ATG9B: variants seen among roughly 807,000 people sequenced by gnomAD.
ATG9B encodes autophagy-related protein 9B.
Under a neutral mutation model 92.9 loss-of-function variants are expected in ATG9B, and 92 were observed. The ratio of observed to expected loss-of-function variants is 0.99; its 90% CI spans 0.84 to 1.18. ATG9B has a LOEUF of 1.18. Ranked by LOEUF, ATG9B falls within the 50% of genes most tolerant of loss-of-function variation. ATG9B has a pLI of 0.00. For synonymous variants in ATG9B, 599 were observed against 551.4 expected (o/e 1.09, Z -1.21); for missense variants, 1,344 against 1,235.0 (o/e 1.09, Z -1.32).
At chr7:151,013,925 A>AGGG (rs745851068), downstream of ATG9B, 7 of 1,598,780 alleles carry the variant, frequency 4.4e-6, no homozygotes, top group Non-Finnish European at 6.0e-6. Context: ...GCGGGTGCGG[A>AGGG]GGGGCGGGCC....
chr7:151,012,331 T>TG, downstream of ATG9B: 1 of 1,545,088 alleles, frequency 6.5e-7, no homozygotes, highest in East Asian at 2.4e-5. Flanking sequence ...GGGGACCTGA[T>TG]GGAGTGTCTC....
rs545593603 is a variant in ATG9B, at chr7:151,016,110, G to C, written c.2646C>G (p.Asp882Glu). The change falls in exon 12 of 14, where the codon GAC becomes GAG. Residue 882 changes from aspartate to glutamate, a missense_variant and splice_region_variant. Transcript: ENST00000639579. ...CCCTGCAGGCCCCACCCTCCTCACC[G>C]TCACTTGACCAGGATGGCTTCTCCT... ...PDEEKPSWSS[D>E]GSSPASSPRQ... 3.3e-6 allele frequency: 5 copies of C among 1,537,290 alleles called. No homozygotes were observed. In the Admixed American group the frequency reaches 8.0e-5, roughly 25 times the overall value.
Position 151,024,377 on chromosome 7 carries a change from C to T in ATG9B, c.47G>A (p.Arg16Gln), listed in dbSNP as rs750100691. ...CGATCCGGGCCCCAGATCTCCCCAC[C>T]GCCCCAGCCGCCTTCTTCTCCCCCC... ...GWGGRRRRLG[R>Q]WGDLGPGSVP... The change falls in exon 1 of 14, where the codon CGG becomes CAG. Residue 16 changes from arginine to glutamine, a missense_variant. Physicochemically the swap from Arg to Gln is conservative, Grantham distance 43 (BLOSUM62 1). Coordinates refer to ENST00000639579, the MANE Select transcript of ATG9B (RefSeq NM_001317056.2). 25 of 1,375,138 alleles carry T rather than the reference C, an allele frequency of 1.8e-5. No homozygotes were observed. The highest frequency in any genetic ancestry group is 2.1e-4 in the Middle Eastern group (1 of 4,714). 85.2% of individuals were successfully genotyped at this position (1,375,138 alleles called of 1,614,324 possible).
At position 151,019,119 on chromosome 7, in the gene ATG9B, C is replaced by G. The variant is rs938658983; in HGVS notation, c.1219G>C (p.Gly407Arg). Residue 407 changes from glycine (G) to arginine (R), a missense_variant, in exon 6 of 14, where the codon GGT (glycine) becomes CGT (arginine). Coordinates refer to ENST00000639579, the MANE Select transcript of ATG9B (RefSeq NM_001317056.2). ...ALNVDLLLFR[G>R]PFSLFRGGWE... ...CCCCCGCGGAAGAGCGAGAAGGGACCGCGGAAGAGCAGCAGGTCGACATTG... is the reference window on the plus strand; with the variant it reads ...CCCCCGCGGAAGAGCGAGAAGGGACGGCGGAAGAGCAGCAGGTCGACATTG... 6.5e-7 allele frequency: 1 copy of G among 1,535,898 alleles called. No individual in the cohort carries two copies. The highest frequency in any genetic ancestry group is 8.7e-7 in the Non-Finnish European group (1 of 1,146,634).
downstream of ATG9B, chr7:151,012,557 AAG>A (rs1795329300): frequency 2.7e-6 from 4 of 1,477,094 alleles, no homozygotes; most frequent in East Asian, 2.3e-5. Flanking sequence ...GGAAATAGGA[AAG>A]AGAGGGCAGG....
At chr7:151,012,763 G>A (rs191612985), downstream of ATG9B, 1 of 368,760 alleles carries the variant, frequency 2.7e-6, no homozygotes, top group Admixed American at 4.0e-5. Context: ...TGCCCAAGGT[G>A]GATTCTTGAC....
At position 151,019,292 on chromosome 7, in the gene ATG9B, G is replaced by C; in HGVS notation, c.1046C>G (p.Pro349Arg). 1 of 1,589,798 alleles carries C rather than the reference G, an allele frequency of 6.3e-7. No individual in the cohort carries two copies. The highest frequency in any genetic ancestry group is 8.5e-7 in the Non-Finnish European group (1 of 1,175,360). The change falls in exon 6 of 14, where the codon CCG becomes CGG. Residue 349 changes from proline (P) to arginine (R), a missense_variant. Pro to Arg is a moderately radical substitution (Grantham distance 103). Coordinates refer to ENST00000639579, the MANE Select transcript of ATG9B (RefSeq NM_001317056.2). ...LQRSGGLCVQ[P>R]RPLTELDIHH... is the part of the protein sequence containing the mutation. ...GATGTCCAGCTCCGTCAGGGGCCGC[G>C]GCTGCACGCACAGGCCCCCGCTCCG...
chr7:151,013,223 G>A (rs1397811258), downstream of ATG9B: 5 of 1,610,126 alleles, frequency 3.1e-6, no homozygotes, highest in Non-Finnish European at 3.4e-6. Context: ...GCGCGGGGTT[G>A]CTTGCAGGGC....
downstream of ATG9B, chr7:151,014,993 A>G (rs1197925782): frequency 6.6e-6 from 1 of 152,192 alleles, no homozygotes; most frequent in East Asian, 1.9e-4. Context: ...TTCTTTTGAC[A>G]GAGTCCTACA....
Position 151,016,661 on chromosome 7 carries a change from C to T in ATG9B, c.2423+27G>A, listed in dbSNP as rs1795502393. 3 of 1,555,084 alleles carry T rather than the reference C, an allele frequency of 1.9e-6. No individual in the cohort carries two copies. The East Asian group carries it at 7.3e-5, about 38-fold the overall frequency. The stretch of plus-strand genomic sequence containing the variant: ...GATCAGCCCACCCCCCTCCACATGC[C>T]CCTGCATCTCAGCCTCCACTCCTCA... On this transcript the variant is annotated intron_variant, in intron 10 of 13. Transcript: ENST00000639579.
At chr7:151,012,626 C>T (rs1795331120), downstream of ATG9B, 1 of 883,550 alleles carries the variant, frequency 1.1e-6, no homozygotes, top group Non-Finnish European at 1.7e-6. Flanking sequence ...GGGCAGGTAC[C>T]AAAGGCAAGG....
intron 8 of ATG9B, among the ~76,000 whole-genome samples, 199 bp from the exon 9 acceptor site, chr7:151,017,471 G>A (rs1037180696): frequency 2.6e-5 from 4 of 152,176 alleles, no homozygotes; most frequent in African/African-American, 7.2e-5. Flanking sequence ...TTGCCAGCTC[G>A]GGGATAGGGC....
chr7:151,021,700 A>C (rs1292744202), intron 4 of ATG9B, among the ~76,000 whole-genome samples: 2 of 145,516 alleles, frequency 1.4e-5, no homozygotes, highest in African/African-American at 5.2e-5. Context: ...CCCAGGCTGG[A>C]GTGCAGTGGC....
downstream of ATG9B, chr7:151,015,129 A>G (rs530960034): frequency 2.6e-5 from 4 of 152,342 alleles, no homozygotes; most frequent in Non-Finnish European, 4.4e-5. Context: ...GGGGCCTGCC[A>G]GAAACAAGAG....
chr7:151,021,189 G>C lies in ATG9B; in HGVS notation c.962C>G (p.Pro321Arg), dbSNP rs201977926. 5 of 1,612,654 alleles carry C rather than the reference G, an allele frequency of 3.1e-6. No individual in the cohort carries two copies. Among genetic ancestry groups the C allele is most frequent in the Admixed American group, 1.7e-5 (1 of 59,950 alleles). Residue 321 changes from proline (P) to arginine (R), a missense_variant and splice_region_variant, in exon 5 of 14, where the codon CCG becomes CGG. Pro to Arg is a moderately radical substitution (Grantham distance 103). Coordinates refer to ENST00000639579, the MANE Select transcript of ATG9B (RefSeq NM_001317056.2). ...CACAGACACAGCCACCCAGCTCACC[G>C]GGGGGATGTGCAGGGCCTCCCTGTA... Reference protein sequence around the residue: ...VFYREALHIPPEELSSVPWAE... With the variant: ...VFYREALHIPREELSSVPWAE...
chr7:151,013,490 A>T, downstream of ATG9B: 1 of 1,367,154 alleles, frequency 7.3e-7, no homozygotes, highest in Non-Finnish European at 9.9e-7. Flanking sequence ...TCCCACGACC[A>T]CTCAGCCACC....
chr7:151,022,622 G>A (rs1024969393), intron 4 of ATG9B, among the ~76,000 whole-genome samples: 2 of 151,896 alleles, frequency 1.3e-5, no homozygotes, highest in African/African-American at 2.4e-5. Context: ...GCCAAAGTGG[G>A]TGGATCACCT....
In ATG9B at chr7:151,015,755, A is replaced by G. The variant is rs531731794; in HGVS notation, c.*15-42T>C. The G allele has an allele frequency of 1.9e-4, 247 of 1,313,788 alleles. 2 individuals carry two copies. In the South Asian group the frequency reaches 3.5e-3, roughly 19 times the overall value. The allele number at this position is 1,313,788 out of a possible 1,614,324, so 81.4% of individuals were successfully genotyped here. A position where few individuals can be genotyped will look rare whatever the true frequency, so the allele number is the denominator to read the frequency against. On this transcript the variant is annotated intron_variant, in intron 13 of 13. Transcript: ENST00000639579. ...CTCTTGGCAAGCAGTCCAGGGGTCT[A>G]GATTCCAGAGATGACCACCTCCCAT...
rs781128169 is a variant in ATG9B at position 151,018,763 on chromosome 7, CGTGCGCAGGGGCGCGGGGGGCGCAGCG to C, written c.1548_1574del (p.Ala517_Thr525del). 3.4e-5 allele frequency: 51 copies of C among 1,515,246 alleles called. No homozygotes were observed. The highest frequency in any genetic ancestry group is 4.1e-5 in the Non-Finnish European group (47 of 1,136,674). The allele number at this position is 1,515,246 out of a possible 1,614,324, so 93.9% of individuals were successfully genotyped here. A position where few individuals can be genotyped will look rare whatever the true frequency, so the allele number is the denominator to read the frequency against. ...AGAAAACGAGCTGGCGGGCCAGCAG[CGTGCGCAGGGGCGCGGGGGGCGCAGCG>C]GTGCGCAGGAAGGCGGCGGCGGGGC... On this transcript the variant is annotated inframe_deletion, in exon 6 of 14. Coordinates refer to ENST00000639579, the MANE Select transcript of ATG9B (RefSeq NM_001317056.2). This position sits in a 1 kb window ranked among gnomAD's most constrained non-coding sequence, Gnocchi z 4.7.
Sources: gnomAD v4.1 joint callset for allele counts (sites outside exome capture counted in the v4.1 genomes callset) on GRCh38, gnomAD v4.1.1 for gene constraint, Gnocchi (gnomAD v3.1) non-coding constraint, MANE v1.5 for transcripts, NCBI Gene and HGNC (gene_info 2026-07-23, HGNC 2026-07-21) for gene names.